Variants in NMNAT2 observed in about 807,000 individuals in gnomAD.
NMNAT2 encodes nicotinamide nucleotide adenylyltransferase 2, also known as nicotinamide/nicotinic acid mononucleotide adenylyltransferase 2.
NMNAT2 carries 11 observed loss-of-function variants against 41.6 expected under a neutral mutation model. The observed-to-expected ratio is 0.26, with a 90% confidence interval of 0.17 to 0.44. The LOEUF (loss-of-function observed/expected upper bound fraction) is 0.44. Ranked by LOEUF, NMNAT2 falls within the 20% of genes least tolerant of loss-of-function variation. The pLI is 1.00. For missense variants in NMNAT2, 288 were observed against 407.7 expected, an observed-to-expected ratio of 0.71 and a Z score of 2.53; for synonymous variants, 148 against 151.2, an observed-to-expected ratio of 0.98 and a Z score of 0.16.
intron 1 of NMNAT2, among the ~76,000 whole-genome samples, chr1:183,376,266 G>A (rs1663677363): frequency 6.6e-6 from 1 of 152,168 alleles, no homozygotes; most frequent in South Asian, 2.1e-4. Context: ...ACATTTGAGG[G>A]TAAAATTGGA....
intron 1 of NMNAT2, among the ~76,000 whole-genome samples, chr1:183,375,833 G>A (rs888021075): frequency 6.6e-6 from 1 of 152,144 alleles, no homozygotes; most frequent in Non-Finnish European, 1.5e-5. Context: ...TTTCTCCTCT[G>A]TTCTCTTGGC....
chr1:183,357,571 C>T lies in NMNAT2; in HGVS notation c.85+60612G>A, dbSNP rs533779506. Among the ~76,000 whole-genome samples, 24 of 152,258 alleles carry T rather than the reference C, an allele frequency of 1.6e-4. No individual in the cohort carries two copies. The South Asian group carries it at 4.6e-3, about 29-fold the overall frequency. ...ATAGAACATCTCATCTTTGAGGAAT[C>T]GCCCCACACTGTCTTCCAAAATGGT... On this transcript the variant is annotated intron_variant, in intron 1 of 10. Coordinates refer to ENST00000287713, the MANE Select transcript of NMNAT2 (RefSeq NM_015039.4).
chr1:183,310,030 G>A (rs1001685587), intron 1 of NMNAT2, among the ~76,000 whole-genome samples: 2 of 152,108 alleles, frequency 1.3e-5, no homozygotes, highest in Non-Finnish European at 2.9e-5. Context: ...ATGGAAATTC[G>A]CTTTGAGCAG....
At chr1:183,358,807 C>T (rs1158862087) in intron 1 of NMNAT2, among the ~76,000 whole-genome samples, 1 of 152,166 alleles carries the variant, frequency 6.6e-6, no homozygotes, top group South Asian at 2.1e-4. Context: ...CCTTCCTCTC[C>T]TTTCTGGATA....
At chr1:183,273,841 C>CCCTCCCTCCCTCCCTT (rs1355319609) in intron 8 of NMNAT2, among the ~76,000 whole-genome samples, 2 of 79,130 alleles carry the variant, frequency 2.5e-5, no homozygotes, top group African/African-American at 1.3e-4. Flanking sequence ...CTCCCTCCCT[C>CCCTCCCTCCCTCCCTT]CCTTCCTTCC....
chr1:183,297,732 T>C (rs1382016453), intron 1 of NMNAT2, among the ~76,000 whole-genome samples: 1 of 152,102 alleles, frequency 6.6e-6, no homozygotes, highest in African/African-American at 2.4e-5. Context: ...TACCCTGATA[T>C]CAAAACCAGG....
intron 1 of NMNAT2, among the ~76,000 whole-genome samples, chr1:183,385,169 T>C (rs1025210958): frequency 6.6e-6 from 1 of 152,130 alleles, no homozygotes; most frequent in Non-Finnish European, 1.5e-5. Context: ...GCCACTGTAC[T>C]CCAATCTGGG....
intron 1 of NMNAT2, among the ~76,000 whole-genome samples, chr1:183,296,970 G>A (rs749887910): frequency 1.3e-5 from 2 of 151,876 alleles, no homozygotes; most frequent in Non-Finnish European, 2.9e-5. Context: ...GCTCCTCTTC[G>A]GGGTCATTTC....
At chr1:183,326,212 CT>C (rs1662459552) in intron 1 of NMNAT2, among the ~76,000 whole-genome samples, 2 of 151,754 alleles carry the variant, frequency 1.3e-5, no homozygotes, top group Admixed American at 1.3e-4. Context: ...CCTGCCTGTA[CT>C]AAAAATACAA....
chr1:183,413,434 T>C (rs919542236), intron 1 of NMNAT2, among the ~76,000 whole-genome samples: 17 of 152,176 alleles, frequency 1.1e-4, no homozygotes, highest in African/African-American at 3.6e-4. Context: ...GAGAGCACGG[T>C]GGTGGCTGTG....
In NMNAT2 at chr1:183,261,257, T is replaced by C; in HGVS notation, c.698A>G (p.Asp233Gly). 1 of 1,614,018 alleles carries C rather than the reference T, an allele frequency of 6.2e-7. No individual in the cohort carries two copies. The highest frequency in any genetic ancestry group is 8.5e-7 in the Non-Finnish European group (1 of 1,180,040). Reference sequence around the variant, plus strand: ...CATGATTCGGTCTGTGTCGGCTGCATCCCGGGGCACCACCACAATCCCAAA... The same window carrying C: ...CATGATTCGGTCTGTGTCGGCTGCACCCCGGGGCACCACCACAATCCCAAA... ...GDFGIVVVPRDAADTDRIMNH... is the reference protein window; with the variant it reads ...GDFGIVVVPRGAADTDRIMNH... The change falls in exon 9 of 11, where the codon GAT becomes GGT. Residue 233 changes from aspartate (D) to glycine (G), a missense_variant. Around this residue, in one of 3 missense-constraint regions of NMNAT2, gnomAD observed 181 missense variants for 213.7 expected, o/e 0.85. Transcript: ENST00000287713.
At chr1:183,386,305 A>G (rs1391272899) in intron 1 of NMNAT2, among the ~76,000 whole-genome samples, 1 of 152,186 alleles carries the variant, frequency 6.6e-6, no homozygotes, top group African/African-American at 2.4e-5. Flanking sequence ...ACCAAAAAAA[A>G]TCCCTCAGGA....
At chr1:183,381,841 T>C (rs1365274737) in intron 1 of NMNAT2, among the ~76,000 whole-genome samples, 2 of 152,234 alleles carry the variant, frequency 1.3e-5, no homozygotes, top group African/African-American at 2.4e-5. Context: ...TTACGAATTA[T>C]TATATACTCA....
intron 2 of NMNAT2, 67 bp from the exon 3 acceptor site, chr1:183,292,924 C>G (rs1661581290): frequency 1.4e-6 from 2 of 1,417,554 alleles, no homozygotes; most frequent in Admixed American, 1.8e-5. Flanking sequence ...GGGATACCAG[C>G]CCAAGCCCAC....
intron 10 of NMNAT2, among the ~76,000 whole-genome samples, chr1:183,256,400 C>T (rs1316294165): frequency 6.6e-6 from 1 of 152,036 alleles, no homozygotes; most frequent in African/African-American, 2.4e-5. Context: ...CAGAACCAGA[C>T]TCCATCTCAA....
intron 10 of NMNAT2, 25 bp downstream of exon 10, chr1:183,260,977 C>G (rs759825317): frequency 1.1e-5 from 18 of 1,587,342 alleles, no homozygotes; most frequent in South Asian, 6.6e-5. Context: ...TGACTAAAGT[C>G]TCTCTGGCCA....
intron 1 of NMNAT2, among the ~76,000 whole-genome samples, chr1:183,398,354 A>G (rs1167468355): frequency 6.6e-6 from 1 of 152,052 alleles, no homozygotes; most frequent in African/African-American, 2.4e-5. Context: ...TCAACAAGAA[A>G]AGCTAACTAT....
chr1:183,351,003 G>T (rs968350964), intron 1 of NMNAT2, among the ~76,000 whole-genome samples: 22 of 152,174 alleles, frequency 1.4e-4, no homozygotes, highest in African/African-American at 5.3e-4. Context: ...TCTTGTGCTA[G>T]GGATTGCGAG....
intron 7 of NMNAT2, 47 bp downstream of exon 7, chr1:183,283,948 G>A: frequency 6.3e-7 from 1 of 1,593,410 alleles, no homozygotes; most frequent in East Asian, 2.2e-5. Context: ...GTGAAGGCAG[G>A]GAGCTCCAAA....
Sources: gnomAD v4.1 joint callset for allele counts (sites outside exome capture counted in the v4.1 genomes callset) on GRCh38, gnomAD v4.1.1 for gene constraint, gnomAD v4.1.1 regional missense constraint, MANE v1.5 for transcripts, NCBI Gene and HGNC (gene_info 2026-07-23, HGNC 2026-07-21) for gene names.